The following DLGAP1 variants were observed in gnomAD, a reference collection of about 807,000 sequenced individuals.
The protein encoded by DLGAP1 is DLG associated protein 1.
In DLGAP1, 11 loss-of-function variants were observed where a neutral mutation model predicts 90.8. That is an observed-to-expected ratio of 0.12 (90% CI 0.08 to 0.20). The LOEUF is 0.20. Ranked by LOEUF, DLGAP1 falls within the 10% of genes least tolerant of loss-of-function variation. The probability of loss-of-function intolerance (pLI) is 1.00; values close to 1 mark genes in which losing one functional copy is unlikely to be tolerated. For missense variants in DLGAP1, 1,050 were observed against 1,333.8 expected, an observed-to-expected ratio of 0.79 and a Z score of 3.31; for synonymous variants, 558 against 540.7, an observed-to-expected ratio of 1.03 and a Z score of -0.44.
rs2076241446 is a variant in DLGAP1, at chr18:4,126,918, G to A, written c.-159+24262C>T. On this transcript the variant is annotated intron_variant, in intron 2 of 12. Transcript: ENST00000315677. The stretch of plus-strand genomic sequence containing the variant: ...TCAAGGGAAATGAGAACATCCTACA[G>A]GAAATAGCAAAAGGTGGCATGACAG... 4.6e-5 allele frequency among the ~76,000 whole-genome samples: 7 copies of A among 152,296 alleles called. No individual in the cohort carries two copies. In the South Asian group the frequency reaches 1.5e-3, roughly 32 times the overall value.
intron 2 of DLGAP1, among the ~76,000 whole-genome samples, chr18:4,011,395 T>C (rs1300453373): frequency 6.6e-6 from 1 of 151,998 alleles, no homozygotes; most frequent in African/African-American, 2.4e-5. Flanking sequence ...TTAGAAACTT[T>C]CTAGATTGTC....
chr18:3,817,963 A>G (rs1398118620), intron 4 of DLGAP1, among the ~76,000 whole-genome samples: 1 of 152,190 alleles, frequency 6.6e-6, no homozygotes, highest in Non-Finnish European at 1.5e-5. Context: ...AGCAGAGACA[A>G]AGAGTGCAGG....
intron 2 of DLGAP1, among the ~76,000 whole-genome samples, chr18:4,147,786 T>C (rs1040277): frequency 0.49 from 74,395 of 151,968 alleles, 19,925 homozygotes; most frequent in African/African-American, 0.71. Flanking sequence ...ACACACCTAC[T>C]CACAATGGTG....
At chr18:3,921,533 T>TA (rs558470280) in intron 3 of DLGAP1, among the ~76,000 whole-genome samples, 107 of 151,928 alleles carry the variant, frequency 7.0e-4, no homozygotes, top group African/African-American at 1.8e-3. Flanking sequence ...GAGTTTCTAG[T>TA]AAAAAAAATA....
chr18:3,689,781 T>C (rs540833940), intron 7 of DLGAP1, among the ~76,000 whole-genome samples: 1 of 151,980 alleles, frequency 6.6e-6, no homozygotes, highest in Non-Finnish European at 1.5e-5. Context: ...AAAAAAAAAA[T>C]TTGTGGTTAA....
chr18:4,393,008 T>C (rs2082369356), intron 1 of DLGAP1, among the ~76,000 whole-genome samples: 1 of 152,192 alleles, frequency 6.6e-6, no homozygotes, highest in Non-Finnish European at 1.5e-5. Context: ...GGAATTGATA[T>C]ACATTCTCTG....
At chr18:4,168,219 G>A (rs763257215) in intron 1 of DLGAP1, among the ~76,000 whole-genome samples, 4 of 152,098 alleles carry the variant, frequency 2.6e-5, no homozygotes, top group Admixed American at 6.5e-5. Context: ...AAGACAGTAC[G>A]GTATTGGTGG....
chr18:3,917,557 C>T (rs1165266424), intron 3 of DLGAP1, among the ~76,000 whole-genome samples: 7 of 152,178 alleles, frequency 4.6e-5, no homozygotes. Flanking sequence ...ATGATCTACA[C>T]TAGAATTTAT....
intron 7 of DLGAP1, among the ~76,000 whole-genome samples, chr18:3,604,890 C>T (rs73940053): frequency 0.02 from 3,035 of 152,162 alleles, 121 homozygotes; most frequent in East Asian, 0.19. Flanking sequence ...GTTGTGAAAC[C>T]TCTTTCAGTT....
At chr18:3,605,276 C>G (rs143706097) in intron 7 of DLGAP1, among the ~76,000 whole-genome samples, 117 of 152,326 alleles carry the variant, frequency 7.7e-4, no homozygotes, top group African/African-American at 2.8e-3. Flanking sequence ...TACGTTCGAC[C>G]TCTTCCAAGA....
intron 3 of DLGAP1, among the ~76,000 whole-genome samples, chr18:4,001,279 C>T (rs1179732382): frequency 6.6e-6 from 1 of 151,622 alleles, no homozygotes; most frequent in Non-Finnish European, 1.5e-5. Flanking sequence ...TTCAAATTAG[C>T]TTCTTTTTGA....
At chr18:3,906,045 T>C (rs1211062279) in intron 3 of DLGAP1, among the ~76,000 whole-genome samples, 1 of 152,202 alleles carries the variant, frequency 6.6e-6, no homozygotes, top group Non-Finnish European at 1.5e-5. Flanking sequence ...CCTCCTTTTA[T>C]AGATTAGGAA....
intron 5 of DLGAP1, among the ~76,000 whole-genome samples, chr18:3,744,796 T>C (rs926258339): frequency 6.6e-6 from 1 of 152,198 alleles, no homozygotes; most frequent in Admixed American, 6.5e-5. Flanking sequence ...TCTGCCCACC[T>C]TGGCCTCCCA....
intron 5 of DLGAP1, among the ~76,000 whole-genome samples, chr18:3,757,671 T>C (rs529968569): frequency 6.6e-6 from 1 of 152,338 alleles, no homozygotes; most frequent in South Asian, 2.1e-4. Flanking sequence ...TAGAAGTAGA[T>C]AATGCATTTG....
chr18:4,377,688 A>G (rs868058756), intron 1 of DLGAP1, among the ~76,000 whole-genome samples: 6 of 152,138 alleles, frequency 3.9e-5, no homozygotes, highest in Admixed American at 2.6e-4. Flanking sequence ...AGTAATATAC[A>G]CACAGTCATG....
chr18:4,258,010 T>TGTGTGTGCGCGC (rs529531621), intron 1 of DLGAP1, among the ~76,000 whole-genome samples: 1 of 137,006 alleles, frequency 7.3e-6, no homozygotes, highest in African/African-American at 2.9e-5. Flanking sequence ...TGTGTGTGTG[T>TGTGTGTGCGCGC]GCGCGCGCGC....
At chr18:3,942,878 G>A (rs1022250335) in intron 3 of DLGAP1, among the ~76,000 whole-genome samples, 2 of 152,134 alleles carry the variant, frequency 1.3e-5, no homozygotes, top group Admixed American at 6.5e-5. Flanking sequence ...GTTTGGGTAC[G>A]GGAGTAACGA....
At chr18:3,840,682 A>G (rs1225502968) in intron 4 of DLGAP1, among the ~76,000 whole-genome samples, 2 of 152,174 alleles carry the variant, frequency 1.3e-5, no homozygotes, top group African/African-American at 2.4e-5. Context: ...GACCACCCAC[A>G]CTAACACCAT....
intron 2 of DLGAP1, among the ~76,000 whole-genome samples, chr18:4,055,421 C>T (rs1035269198): frequency 4.6e-5 from 7 of 152,160 alleles, no homozygotes; most frequent in African/African-American, 1.7e-4. Context: ...GTTTTTTATC[C>T]TCACTGTCCT....
Sources: allele counts gnomAD v4.1 joint callset (sites outside exome capture counted in the v4.1 genomes callset), GRCh38; gene constraint gnomAD v4.1.1; transcripts MANE v1.5; gene names NCBI Gene and HGNC (gene_info 2026-07-23, HGNC 2026-07-21).